Variants in ITGA8 observed in about 807,000 individuals in gnomAD.
The protein encoded by ITGA8 is integrin alpha-8.
In ITGA8, 91 loss-of-function variants were observed where a neutral mutation model predicts 142.3. That is an observed-to-expected ratio of 0.64 (90% CI 0.54 to 0.76). The LOEUF (loss-of-function observed/expected upper bound fraction) is 0.76, where lower values mean the gene tolerates loss of function less well. ITGA8 is among the 30% of genes least tolerant of loss of function. The probability of loss-of-function intolerance (pLI) is 0.00; values close to 1 mark genes in which losing one functional copy is unlikely to be tolerated. For synonymous variants in ITGA8, 505 were observed against 485.2 expected (o/e 1.04, Z -0.54); for missense variants, 1,406 against 1,327.7 (o/e 1.06, Z -0.92).
At chr10:15,547,652 G>T (rs1253744648) in intron 27 of ITGA8, among the ~76,000 whole-genome samples, 7 of 152,204 alleles carry the variant, frequency 4.6e-5, no homozygotes, top group African/African-American at 1.7e-4. Context: ...GCCAACCACA[G>T]GAGTGGTGCA....
intron 13 of ITGA8, among the ~76,000 whole-genome samples, chr10:15,625,809 G>A (rs11253582): frequency 0.22 from 32,853 of 152,064 alleles, 3,746 homozygotes; most frequent in Admixed American, 0.32. Context: ...ATGAGGGTAC[G>A]GGAGTCCTCA....
chr10:15,574,685 G>A (rs369462112), intron 24 of ITGA8, among the ~76,000 whole-genome samples: 15 of 149,882 alleles, frequency 1.0e-4, no homozygotes, highest in Non-Finnish European at 1.5e-4. Flanking sequence ...CACCACACCC[G>A]GGCGCTTTTA....
chr10:15,535,100 G>A (rs1025631200), intron 27 of ITGA8, among the ~76,000 whole-genome samples: 1 of 152,158 alleles, frequency 6.6e-6, no homozygotes, highest in African/African-American at 2.4e-5. Flanking sequence ...CGGTAGGTGT[G>A]CTGGGTCCCC....
intron 8 of ITGA8, among the ~76,000 whole-genome samples, chr10:15,661,598 T>C (rs1438133611): frequency 6.6e-6 from 1 of 152,236 alleles, no homozygotes; most frequent in Admixed American, 6.5e-5. Context: ...TTCTTGAGTC[T>C]GCGTGTGATT....
At chr10:15,665,463 G>T (rs1427152676) in intron 8 of ITGA8, among the ~76,000 whole-genome samples, 1 of 151,882 alleles carries the variant, frequency 6.6e-6, no homozygotes, top group South Asian at 2.1e-4. Flanking sequence ...CCATTTTTTA[G>T]GTTGCCTGTT....
At chr10:15,636,571 C>G (rs1170466749) in intron 13 of ITGA8, among the ~76,000 whole-genome samples, 2 of 152,164 alleles carry the variant, frequency 1.3e-5, no homozygotes, top group African/African-American at 2.4e-5. Context: ...GTCCATGAGA[C>G]TATCCTTTTC....
At chr10:15,608,203 C>A in intron 16 of ITGA8, 32 bp downstream of exon 16, 1 of 1,493,562 alleles carries the variant, frequency 6.7e-7, no homozygotes, top group Non-Finnish European at 9.3e-7. Flanking sequence ...TCTTAGTATA[C>A]CATAAGAATG....
At chr10:15,538,072 A>G (rs61843010) in intron 27 of ITGA8, among the ~76,000 whole-genome samples, 19,952 of 152,194 alleles carry the variant, frequency 0.13, 1,579 homozygotes, top group Admixed American at 0.18. Context: ...TTGAGGCTGC[A>G]ATGAGATGTG....
At chr10:15,550,264 T>C (rs1196065659) in intron 26 of ITGA8, among the ~76,000 whole-genome samples, 1 of 152,184 alleles carries the variant, frequency 6.6e-6, no homozygotes, top group Non-Finnish European at 1.5e-5. Context: ...TAAGCCTCTT[T>C]TTCTTTATAA....
intron 28 of ITGA8, among the ~76,000 whole-genome samples, chr10:15,528,072 C>T (rs1431035648): frequency 2.6e-5 from 4 of 151,988 alleles, no homozygotes; most frequent in Admixed American, 1.3e-4. Context: ...AGCATCACCA[C>T]GCCTTGCTAA....
chr10:15,677,671 T>G, intron 5 of ITGA8, 34 bp from the exon 6 acceptor site: 1 of 1,594,096 alleles, frequency 6.3e-7, no homozygotes, highest in Non-Finnish European at 8.6e-7. Flanking sequence ...CAACCATAAT[T>G]GGAAAAGAAA....
chr10:15,521,018 T>C (rs1002040719), intron 28 of ITGA8, among the ~76,000 whole-genome samples: 1 of 152,136 alleles, frequency 6.6e-6, no homozygotes, highest in Admixed American at 6.5e-5. Context: ...CTTTTGTGTA[T>C]TTGTTTCTTT....
chr10:15,705,197 C>G (rs1564417584), intron 2 of ITGA8, among the ~76,000 whole-genome samples: 1 of 152,174 alleles, frequency 6.6e-6, no homozygotes, highest in Non-Finnish European at 1.5e-5. Flanking sequence ...CAAAAGGTTA[C>G]TTATCCAACT....
At chr10:15,620,028 G>A (rs1303674726) in intron 13 of ITGA8, among the ~76,000 whole-genome samples, 1 of 152,212 alleles carries the variant, frequency 6.6e-6, no homozygotes, top group Non-Finnish European at 1.5e-5. Flanking sequence ...GCCCTTCCAG[G>A]GCAGGAATCT....
At chr10:15,668,333 G>A (rs1286211821) in intron 8 of ITGA8, among the ~76,000 whole-genome samples, 12 of 151,736 alleles carry the variant, frequency 7.9e-5, no homozygotes, top group African/African-American at 2.7e-4. Context: ...CAGAGACTAG[G>A]ATTGCAACCC....
At chr10:15,671,070 A>G (rs1427053683) in intron 8 of ITGA8, among the ~76,000 whole-genome samples, 1 of 152,168 alleles carries the variant, frequency 6.6e-6, no homozygotes, top group African/African-American at 2.4e-5. Context: ...TCATTATTTC[A>G]TGTCCATCAG....
rs200613964 is a variant in ITGA8, at chr10:15,613,758, C to G, written c.1455G>C (p.Pro485=). ...TGKVAVYRAR[P]VVTVDAQLLL... ...GAAGCTGGGCATCTACAGTCACAAC[C>G]GGTCTTGCTCTGCGGGGAGAAAATG... The change falls in exon 15 of 30, where the codon CCG becomes CCC. Residue 485 remains proline (P), a synonymous_variant. Coordinates refer to ENST00000378076, the MANE Select transcript of ITGA8 (RefSeq NM_003638.3). The G allele has an allele frequency of 1.9e-6, 3 of 1,612,514 alleles. No individual in the cohort carries two copies. The highest frequency in any genetic ancestry group is 1.3e-5 in the African/African-American group (1 of 74,872).
intron 13 of ITGA8, among the ~76,000 whole-genome samples, chr10:15,631,055 T>C (rs911672754): frequency 6.6e-6 from 1 of 152,026 alleles, no homozygotes; most frequent in African/African-American, 2.4e-5. Context: ...AAGTTCCTTA[T>C]AGATTCTGGA....
Position 15,513,979 on chromosome 10 carries a change from A to G in ITGA8, c.*3179T>C, listed in dbSNP as rs1832918700. On this transcript the variant is annotated 3_prime_UTR_variant, in exon 30 of 30. Transcript: ENST00000378076. ...TCTTTCAGTTTTAATTTTATTAGTG[A>G]CAAGGTAAATAGGTACATGAAAATC... The G allele has an allele frequency of 6.6e-6, 1 of 152,226 alleles. No homozygotes were observed. Among genetic ancestry groups the G allele is most frequent in the Admixed American group, 6.5e-5 (1 of 15,282 alleles). The allele number at this position is 152,226 out of a possible 1,614,324, so 9.4% of individuals were successfully genotyped here. A position where few individuals can be genotyped will look rare whatever the true frequency, so the allele number is the denominator to read the frequency against.
Sources: gnomAD v4.1 joint callset for allele counts (sites outside exome capture counted in the v4.1 genomes callset) on GRCh38, gnomAD v4.1.1 for gene constraint, MANE v1.5 for transcripts, NCBI Gene and HGNC (gene_info 2026-07-23, HGNC 2026-07-21) for gene names.